Variants in BANK1 observed in about 807,000 individuals in gnomAD.
BANK1 encodes the protein B-cell scaffold protein with ankyrin repeats.
BANK1 carries 95 observed loss-of-function variants against 94.5 expected under a neutral mutation model. That is an observed-to-expected ratio of 1.00 (90% CI 0.85 to 1.19). BANK1 has a LOEUF of 1.19. BANK1 is among the 50% of genes most tolerant of loss of function. The pLI, the probability that BANK1 is intolerant of heterozygous loss-of-function variation, is 0.00. For missense variants in BANK1, 987 were observed against 932.2 expected (o/e 1.06, Z -0.77); for synonymous variants, 334 against 308.4 (o/e 1.08, Z -0.87).
intron 6 of BANK1, among the ~76,000 whole-genome samples, chr4:101,903,856 A>C (rs1467021269): frequency 6.6e-6 from 1 of 152,234 alleles, no homozygotes; most frequent in African/African-American, 2.4e-5. Context: ...AAGGAGTAGC[A>C]GTCTCAATTT....
Position 101,950,023 on chromosome 4 carries a change from G to GTA in BANK1, c.1206+31835_1206+31836insAT, listed in dbSNP as rs1483305302. ...TTTAGTTTAAGGAAGTAAGGGGTGT[G>GTA]TGTGTGTGTGTGTGTGTGTGTGTGT... On this transcript the variant is annotated intron_variant, in intron 7 of 16. Transcript: ENST00000322953. Among the ~76,000 whole-genome samples, 119 of 12,938 alleles carry GTA rather than the reference G, an allele frequency of 9.2e-3. 1 individual carries two copies. The highest frequency in any genetic ancestry group is 0.014 in the African/African-American group (108 of 7,904). The allele number at this position is 12,938 out of a possible 152,430, so 8.5% of individuals were successfully genotyped here.
At chr4:101,869,443 A>T (rs1728198823) in intron 4 of BANK1, among the ~76,000 whole-genome samples, 1 of 151,782 alleles carries the variant, frequency 6.6e-6, no homozygotes, top group African/African-American at 2.4e-5. Context: ...ATTTTTCTAC[A>T]TGCATCTTCT....
At chr4:102,065,526 A>T (rs937299135) in intron 13 of BANK1, among the ~76,000 whole-genome samples, 1 of 152,136 alleles carries the variant, frequency 6.6e-6, no homozygotes, top group Admixed American at 6.5e-5. Flanking sequence ...GTGTTCAATT[A>T]AAAAAAGAAG....
intron 11 of BANK1, among the ~76,000 whole-genome samples, chr4:102,053,719 AATTT>A (rs1325749255): frequency 1.3e-5 from 2 of 151,914 alleles, no homozygotes; most frequent in Admixed American, 6.6e-5. Context: ...AATTATTGTA[AATTT>A]ATTTATAAGA....
At chr4:102,033,192 C>T (rs998367365) in intron 10 of BANK1, among the ~76,000 whole-genome samples, 17 of 152,116 alleles carry the variant, frequency 1.1e-4, no homozygotes, top group African/African-American at 2.9e-4. Context: ...CCCTGTTTTC[C>T]GTCTCGTATG....
At chr4:102,056,840 T>A (rs1728242369) in intron 11 of BANK1, among the ~76,000 whole-genome samples, 2 of 151,988 alleles carry the variant, frequency 1.3e-5, no homozygotes, top group African/African-American at 4.8e-5. Context: ...ACCCCATCTT[T>A]ACTAAAAATA....
intron 5 of BANK1, among the ~76,000 whole-genome samples, chr4:101,886,951 A>T (rs1728881962): frequency 6.6e-6 from 1 of 152,118 alleles, no homozygotes; most frequent in Admixed American, 6.5e-5. Context: ...TATAACATTC[A>T]TCTGAGGACA....
intron 4 of BANK1, among the ~76,000 whole-genome samples, chr4:101,867,590 A>G (rs13116542): frequency 0.29 from 44,288 of 151,734 alleles, 6,995 homozygotes; most frequent in Non-Finnish European, 0.34. Context: ...TTGGGTGATT[A>G]CAGCATATGG....
intron 10 of BANK1, 112 bp downstream of exon 10, chr4:102,030,377 C>T (rs1727255624): frequency 9.1e-7 from 1 of 1,093,262 alleles, no homozygotes; most frequent in African/African-American, 1.6e-5. Flanking sequence ...AAAGAGTAAA[C>T]ATTTTTTTTC....
In BANK1 at chr4:101,950,062, C is replaced by T. The variant is rs202001943; in HGVS notation, c.1206+31873C>T. Among the ~76,000 whole-genome samples the T allele has an allele frequency of 1.2e-3, 140 of 115,946 alleles. 1 individual carries two copies. Among genetic ancestry groups the T allele is most frequent in the African/African-American group, 4.2e-3 (122 of 29,258 alleles). 76.1% of individuals were successfully genotyped at this position (115,946 alleles called of 152,430 possible). ...GTGTGTGTGTGTGTGTGTGTGTGTGCGCGTGCGCGCGCATGTGCCTACACA... is the reference window on the plus strand; with the variant it reads ...GTGTGTGTGTGTGTGTGTGTGTGTGTGCGTGCGCGCGCATGTGCCTACACA... On this transcript the variant is annotated intron_variant, in intron 7 of 16. Transcript: ENST00000322953.
At chr4:101,995,605 C>T (rs182032694) in intron 7 of BANK1, among the ~76,000 whole-genome samples, 3 of 151,986 alleles carry the variant, frequency 2.0e-5, no homozygotes, top group Non-Finnish European at 4.4e-5. Context: ...TCTCCAGCAT[C>T]GTTGTTTCCT....
intron 2 of BANK1, among the ~76,000 whole-genome samples, chr4:101,845,268 ATAC>A (rs1278595446): frequency 6.6e-6 from 1 of 152,168 alleles, no homozygotes; most frequent in Non-Finnish European, 1.5e-5. Context: ...ATTAAAAAAG[ATAC>A]TACATCACCA....
intron 5 of BANK1, among the ~76,000 whole-genome samples, chr4:101,879,492 T>C (rs1181699190): frequency 1.3e-5 from 2 of 152,068 alleles, no homozygotes; most frequent in Non-Finnish European, 2.9e-5. Flanking sequence ...ACTCAGTGGC[T>C]TCACAGCTGA....
intron 2 of BANK1, among the ~76,000 whole-genome samples, chr4:101,853,752 GC>G (rs1168108583): frequency 6.6e-6 from 1 of 152,088 alleles, no homozygotes; most frequent in Non-Finnish European, 1.5e-5. Context: ...GTCTCCTGGG[GC>G]AAGGCATTTT....
chr4:102,034,765 T>C (rs1727442204), intron 10 of BANK1, among the ~76,000 whole-genome samples: 1 of 152,098 alleles, frequency 6.6e-6, no homozygotes, highest in African/African-American at 2.4e-5. Context: ...AAACTAATGC[T>C]CAGTAAGTGC....
chr4:101,802,045 C>A (rs1725371955), intron 1 of BANK1, among the ~76,000 whole-genome samples: 1 of 152,072 alleles, frequency 6.6e-6, no homozygotes, highest in African/African-American at 2.4e-5. Flanking sequence ...TTGGAAAATG[C>A]AATATTTGGG....
intron 5 of BANK1, among the ~76,000 whole-genome samples, chr4:101,877,122 G>A (rs938798710): frequency 1.3e-5 from 2 of 152,000 alleles, no homozygotes; most frequent in African/African-American, 4.8e-5. Flanking sequence ...AAGATACAGG[G>A]GTAGAAAGTT....
At chr4:101,861,798 T>C (rs936679959) in intron 3 of BANK1, among the ~76,000 whole-genome samples, 2 of 152,094 alleles carry the variant, frequency 1.3e-5, no homozygotes, top group Non-Finnish European at 2.9e-5. Flanking sequence ...ATAATAAATG[T>C]TTATGCCTTT....
At chr4:102,073,146 TA>T (rs1728812043) in intron 15 of BANK1, among the ~76,000 whole-genome samples, 1 of 151,872 alleles carries the variant, frequency 6.6e-6, no homozygotes, top group Non-Finnish European at 1.5e-5. Context: ...TAAGTAATCA[TA>T]AAAATCATTC....
Sources: allele counts gnomAD v4.1 joint callset (sites outside exome capture counted in the v4.1 genomes callset), GRCh38; gene constraint gnomAD v4.1.1; transcripts MANE v1.5; gene names NCBI Gene and HGNC (gene_info 2026-07-23, HGNC 2026-07-21).